COLGALT1: variants seen among roughly 807,000 people sequenced by gnomAD.
COLGALT1 encodes procollagen galactosyltransferase 1.
In COLGALT1, 43 loss-of-function variants were observed where a neutral mutation model predicts 60.8. The observed-to-expected ratio is 0.71, with a 90% CI of 0.55 to 0.91. COLGALT1 has a LOEUF of 0.91. COLGALT1 is among the 40% of genes least tolerant of loss of function. The pLI is 0.00. For missense variants in COLGALT1, 845 were observed against 880.0 expected, an observed-to-expected ratio of 0.96 and a Z score of 0.50; for synonymous variants, 369 against 374.2, an observed-to-expected ratio of 0.99 and a Z score of 0.16.
At chr19:17,577,491 G>T in intron 8 of COLGALT1, 24 bp downstream of exon 8, 2 of 345,638 alleles carry the variant, frequency 5.8e-6, no homozygotes, top group South Asian at 2.1e-5. Flanking sequence ...CTGGGGGTGG[G>T]GGGGCGGGTC....
In COLGALT1 at chr19:17,555,901, C is replaced by A; in HGVS notation, c.188C>A (p.Ala63Glu). Residue 63 changes from alanine (A) to glutamate (E), a missense_variant, in exon 1 of 12, where the codon GCG (alanine) becomes GAG (glutamate). Coordinates refer to ENST00000252599, the MANE Select transcript of COLGALT1 (RefSeq NM_024656.4). The part of the protein sequence containing the change: ...RVLIALLARN[A>E]AHALPTTLGA... ...CTCATCGCGCTGTTGGCGCGAAACG[C>A]GGCCCACGCGTTGCCCACCACGCTG... The A allele has an allele frequency of 7.2e-7, 1 of 1,395,244 alleles. No homozygotes were observed. The highest frequency in any genetic ancestry group is 2.6e-4 in the Middle Eastern group (1 of 3,860). The allele number at this position is 1,395,244 out of a possible 1,614,324, so 86.4% of individuals were successfully genotyped here.
At chr19:17,578,988 C>T (rs1053221197) in intron 9 of COLGALT1, among the ~76,000 whole-genome samples, 4 of 151,712 alleles carry the variant, frequency 2.6e-5, no homozygotes, top group African/African-American at 7.3e-5. Flanking sequence ...CCAGCCTGGG[C>T]GACAAGAGTG....
In COLGALT1 at chr19:17,567,544, G is replaced by C. The variant is rs371974597; in HGVS notation, c.624+4G>C. 42 of 1,611,752 alleles carry C rather than the reference G, an allele frequency of 2.6e-5. No homozygotes were observed. Among genetic ancestry groups the C allele is most frequent in the Non-Finnish European group, 2.8e-5 (33 of 1,178,990 alleles). On this transcript the variant is annotated splice_donor_region_variant and intron_variant, in intron 4 of 11. Coordinates refer to ENST00000252599, the MANE Select transcript of COLGALT1 (RefSeq NM_024656.4). The stretch of plus-strand genomic sequence containing the variant: ...CTGGTGTGGAATGACTTCCCAGGTA[G>C]AGTGAGGGCCTGGGGACTGTGGGGA...
chr19:17,561,239 A>C (rs2076247404), intron 3 of COLGALT1, among the ~76,000 whole-genome samples: 1 of 151,948 alleles, frequency 6.6e-6, no homozygotes, highest in Non-Finnish European at 1.5e-5. Flanking sequence ...ATTTTTAAAA[A>C]ATAACAAATA....
At chr19:17,558,691 A>T (rs573961484) in intron 1 of COLGALT1, among the ~76,000 whole-genome samples, 20 of 150,920 alleles carry the variant, frequency 1.3e-4, no homozygotes, top group African/African-American at 4.4e-4. Context: ...AGAAAAAAAA[A>T]ATTAAGTGAC....
chr19:17,573,298 C>T lies in COLGALT1; in HGVS notation c.949+696C>T, dbSNP rs981666789. ...ATCCTAACACTTCGGGAGGACGAGACGGGCGGATCACAAGGTCAAAAGATG... is the reference window on the plus strand; with the variant it reads ...ATCCTAACACTTCGGGAGGACGAGATGGGCGGATCACAAGGTCAAAAGATG... On this transcript the variant is annotated intron_variant, in intron 6 of 11. Transcript: ENST00000252599. 4.6e-5 allele frequency among the ~76,000 whole-genome samples: 7 copies of T among 151,894 alleles called. No homozygotes were observed. In the South Asian group the frequency reaches 6.2e-4, roughly 14 times the overall value.
chr19:17,577,065 G>A lies in COLGALT1; in HGVS notation c.950-130G>A, dbSNP rs2038204957. 7.4e-6 allele frequency: 6 copies of A among 815,982 alleles called. No homozygotes were observed. The South Asian group carries it at 9.5e-5, about 13-fold the overall frequency. The allele number at this position is 815,982 out of a possible 1,614,324, so 50.5% of individuals were successfully genotyped here. On this transcript the variant is annotated intron_variant, in intron 6 of 11. Transcript: ENST00000252599. ...GGCTCCTAGAGGGCAGCGCTGATGT[G>A]GGCGGAGCCAGGTCGACTTTGTGGG... is the stretch of plus-strand genomic sequence containing the variant.
At chr19:17,575,377 C>G (rs1451658211) in intron 6 of COLGALT1, among the ~76,000 whole-genome samples, 4 of 152,084 alleles carry the variant, frequency 2.6e-5, no homozygotes, top group African/African-American at 9.7e-5. Context: ...TCCCGAGTAG[C>G]TGGGACTACA....
intron 6 of COLGALT1, among the ~76,000 whole-genome samples, chr19:17,576,760 G>C (rs1459215905): frequency 6.7e-6 from 1 of 149,616 alleles, no homozygotes; most frequent in East Asian, 2.0e-4. Context: ...GTGGGGTGAA[G>C]CTGGGGCCTG....
At chr19:17,571,214 T>C (rs566529773) in intron 5 of COLGALT1, among the ~76,000 whole-genome samples, 1 of 151,858 alleles carries the variant, frequency 6.6e-6, no homozygotes, top group South Asian at 2.1e-4. Flanking sequence ...GGTCAAGAGT[T>C]TGAGGCCAGC....
chr19:17,575,905 T>C (rs2076337909), intron 6 of COLGALT1, among the ~76,000 whole-genome samples: 2 of 152,132 alleles, frequency 1.3e-5, no homozygotes, highest in South Asian at 2.1e-4. Flanking sequence ...TGTGTCCAAA[T>C]AGGATCATAT....
At chr19:17,578,993 A>ATCAT (rs2076361738) in intron 9 of COLGALT1, among the ~76,000 whole-genome samples, 8 of 149,888 alleles carry the variant, frequency 5.3e-5, no homozygotes, top group Admixed American at 5.3e-4. Context: ...CTGGGCGACA[A>ATCAT]GAGTGACACT....
chr19:17,573,510 A>G (rs1004380456), intron 6 of COLGALT1, among the ~76,000 whole-genome samples: 1 of 151,630 alleles, frequency 6.6e-6, no homozygotes, highest in African/African-American at 2.4e-5. Flanking sequence ...GCCTGGCAAC[A>G]GAGTGAAACT....
In COLGALT1 at chr19:17,555,868, C is replaced by T. The variant is rs1169033126; in HGVS notation, c.155C>T (p.Pro52Leu). 7.3e-7 allele frequency: 1 copy of T among 1,378,408 alleles called. No homozygotes were observed. 85.4% of individuals were successfully genotyped at this position (1,378,408 alleles called of 1,614,324 possible). Residue 52 changes from proline (P) to leucine (L), a missense_variant, in exon 1 of 12, where the codon CCG (proline) becomes CTG (leucine). Physicochemically the swap from Pro to Leu is moderately conservative, Grantham distance 98. Transcript: ENST00000252599. ...AGCCCGGAGTCGCCCCTGCAGGCGC[C>T]GCGCGTGCTCATCGCGCTGTTGGCG... is the stretch of plus-strand genomic sequence containing the variant. ...RWSPESPLQA[P>L]RVLIALLARN...
chr19:17,563,494 C>T (rs561594243), intron 3 of COLGALT1, among the ~76,000 whole-genome samples: 14 of 151,916 alleles, frequency 9.2e-5, no homozygotes, highest in Admixed American at 4.6e-4. Context: ...GGACTACAGG[C>T]GCCCGCCACA....
intron 4 of COLGALT1, 41 bp downstream of exon 4, chr19:17,567,581 AG>A (rs917907560): frequency 1.1e-5 from 18 of 1,595,288 alleles, no homozygotes; most frequent in African/African-American, 4.0e-5. Flanking sequence ...TGGGCTGAGC[AG>A]GGGGGTGCCG....
Position 17,582,227 on chromosome 19 carries a change from A to C in COLGALT1, c.*783A>C, listed in dbSNP as rs2144855692. 1 of 152,250 alleles carries C rather than the reference A, an allele frequency of 6.6e-6. No homozygotes were observed. Among genetic ancestry groups the C allele is most frequent in the South Asian group, 2.1e-4 (1 of 4,822 alleles). The allele number at this position is 152,250 out of a possible 1,614,324, so 9.4% of individuals were successfully genotyped here. On this transcript the variant is annotated 3_prime_UTR_variant, in exon 12 of 12. Transcript: ENST00000252599. ...CCCAGCCCAGGCTCTGGGAATATTGAGATAAATAAGATGCTTCTATCCATT... is the reference window on the plus strand; with the variant it reads ...CCCAGCCCAGGCTCTGGGAATATTGCGATAAATAAGATGCTTCTATCCATT...
At chr19:17,571,649 C>T (rs1219801230) in intron 5 of COLGALT1, among the ~76,000 whole-genome samples, 3 of 151,628 alleles carry the variant, frequency 2.0e-5, no homozygotes, top group African/African-American at 7.3e-5. Flanking sequence ...ACCCCAGAGG[C>T]GGAGGTTGCA....
chr19:17,565,463 G>A (rs1409393530), intron 3 of COLGALT1, among the ~76,000 whole-genome samples: 7 of 152,052 alleles, frequency 4.6e-5, no homozygotes, highest in Admixed American at 2.6e-4. Context: ...CACTGCACCC[G>A]GCCTGGCTGT....
Sources: gnomAD v4.1 joint callset for allele counts (sites outside exome capture counted in the v4.1 genomes callset) on GRCh38, gnomAD v4.1.1 for gene constraint, MANE v1.5 for transcripts, NCBI Gene and HGNC (gene_info 2026-07-23, HGNC 2026-07-21) for gene names.